NRG1: variants seen among roughly 807,000 people sequenced by gnomAD.
The protein encoded by NRG1 is pro-neuregulin-1, membrane-bound isoform.
A neutral mutation model predicts 63.8 loss-of-function variants in NRG1; 18 were observed. The observed-to-expected ratio is 0.28, with a 90% CI of 0.19 to 0.42. The LOEUF (loss-of-function observed/expected upper bound fraction) is 0.42, where lower values mean the gene tolerates loss of function less well. Ranked by LOEUF, NRG1 falls within the 10% of genes least tolerant of loss-of-function variation. The pLI is 1.00. For missense variants in NRG1, 762 were observed against 814.7 expected, an observed-to-expected ratio of 0.94 and a Z score of 0.79; for synonymous variants, 302 against 301.3, an observed-to-expected ratio of 1.00 and a Z score of -0.02.
rs1588683950 is a variant in NRG1 at position 32,611,773 on chromosome 8, C to CCA, written c.401-2741_401-2740insCA. 2.0e-5 allele frequency among the ~76,000 whole-genome samples: 3 copies of CCA among 151,946 alleles called. No homozygotes were observed. In the East Asian group the frequency reaches 5.8e-4, roughly 29 times the overall value. Reference sequence around the variant, plus strand: ...TGACATATAAGTTTGGTAAAAAAGTCACATAAGTGAATGTTGGAATACACA... The same window carrying CCA: ...TGACATATAAGTTTGGTAAAAAAGTCCAACATAAGTGAATGTTGGAATACACA... On this transcript the variant is annotated intron_variant, in intron 3 of 11. Transcript: ENST00000356819.
chr8:32,189,939 A>G (rs1323519895), intron 1 of NRG1, among the ~76,000 whole-genome samples: 1 of 152,188 alleles, frequency 6.6e-6, no homozygotes, highest in Non-Finnish European at 1.5e-5. Context: ...TGTTAAATGA[A>G]TGATACATTC....
In NRG1 at chr8:32,698,084, T is replaced by G. The variant is rs191037050; in HGVS notation, c.503-29865T>G. 3.9e-3 allele frequency among the ~76,000 whole-genome samples: 600 copies of G among 152,150 alleles called. 5 individuals carry two copies. The highest frequency in any genetic ancestry group is 0.014 in the African/African-American group (563 of 41,502). On this transcript the variant is annotated intron_variant, in intron 5 of 11. Transcript: ENST00000356819. ...AGCTGAGCATGGTGGCACATGCCTG[T>G]AGTCCCAGCTACTCGGGAGGCTGAG...
intron 5 of NRG1, among the ~76,000 whole-genome samples, chr8:32,649,742 A>G (rs550396078): frequency 2.4e-4 from 36 of 152,330 alleles, no homozygotes; most frequent in Non-Finnish European, 4.1e-4. Flanking sequence ...TCTAGGTGCA[A>G]TTAGGGAAAA....
intron 1 of NRG1, among the ~76,000 whole-genome samples, chr8:32,495,799 AG>A (rs1436906805): frequency 2.6e-5 from 4 of 152,046 alleles, no homozygotes; most frequent in Non-Finnish European, 5.9e-5. Context: ...GTTTGTTTGG[AG>A]TATGTCTTTA....
chr8:32,369,204 T>TA (rs1324954892), intron 1 of NRG1, among the ~76,000 whole-genome samples: 1 of 152,238 alleles, frequency 6.6e-6, no homozygotes, highest in African/African-American at 2.4e-5. Flanking sequence ...TTGGGTTTTT[T>TA]ACTTTTCATT....
At chr8:32,163,513 G>A (rs1839072046) in intron 1 of NRG1, among the ~76,000 whole-genome samples, 1 of 152,154 alleles carries the variant, frequency 6.6e-6, no homozygotes, top group Non-Finnish European at 1.5e-5. Flanking sequence ...AGAAGAAAAA[G>A]AACGTGGGGA....
At chr8:32,175,062 C>T (rs1193699379) in intron 1 of NRG1, among the ~76,000 whole-genome samples, 1 of 152,264 alleles carries the variant, frequency 6.6e-6, no homozygotes, top group East Asian at 1.9e-4. Context: ...CCCTGATGAA[C>T]ATCGATGCAA....
intron 1 of NRG1, among the ~76,000 whole-genome samples, chr8:32,193,911 G>T (rs1188033453): frequency 6.6e-6 from 1 of 152,236 alleles, no homozygotes; most frequent in African/African-American, 2.4e-5. Context: ...TAGCAGGAAG[G>T]CCTGGGACAG....
chr8:32,358,292 G>T (rs1806724228), intron 1 of NRG1, among the ~76,000 whole-genome samples: 1 of 145,194 alleles, frequency 6.9e-6, no homozygotes, highest in Non-Finnish European at 1.5e-5. Context: ...GTAAGCATTT[G>T]TGCATTTAAG....
chr8:32,609,539 T>TTTCCTTCCCTCCCTCC (rs1338834219), intron 3 of NRG1, among the ~76,000 whole-genome samples: 7 of 145,280 alleles, frequency 4.8e-5, no homozygotes, highest in African/African-American at 1.8e-4. Context: ...TTCTCAAGAA[T>TTTCCTTCCCTCCCTCC]TTCCTTCCCT....
intron 1 of NRG1, among the ~76,000 whole-genome samples, chr8:31,927,574 A>G (rs1484505999): frequency 2.8e-5 from 4 of 145,188 alleles, no homozygotes; most frequent in South Asian, 2.1e-4. Flanking sequence ...TCAGCCTCCC[A>G]AGTAGCTGGG....
At chr8:31,655,646 G>T (rs2130908155) in intron 1 of NRG1, among the ~76,000 whole-genome samples, 1 of 152,294 alleles carries the variant, frequency 6.6e-6, no homozygotes, top group Non-Finnish European at 1.5e-5. Context: ...TTTAAGAAGA[G>T]GAGTTATATG....
At chr8:32,208,590 T>C (rs939999217) in intron 1 of NRG1, among the ~76,000 whole-genome samples, 7 of 152,092 alleles carry the variant, frequency 4.6e-5, no homozygotes, top group Non-Finnish European at 1.0e-4. Context: ...TATTTGACCA[T>C]ATGAAAATAT....
rs143267544 is a variant in NRG1, at chr8:32,557,181, G to A, written c.100+8355G>A. Among the ~76,000 whole-genome samples, 1,322 of 151,876 alleles carry A rather than the reference G, an allele frequency of 8.7e-3. 18 individuals are homozygous for A. Among genetic ancestry groups the A allele is most frequent in the African/African-American group, 0.03 (1,231 of 41,418 alleles). The stretch of plus-strand genomic sequence containing the variant: ...CCACCACACCCAGCTAATTTTTTTC[G>A]TATTTTTAGTAGAGACGGTGTTTCA... On this transcript the variant is annotated intron_variant, in intron 1 of 11. Transcript: ENST00000356819.
intron 1 of NRG1, among the ~76,000 whole-genome samples, chr8:32,494,220 GTAA>G (rs1826932480): frequency 6.6e-6 from 1 of 152,074 alleles, no homozygotes; most frequent in African/African-American, 2.4e-5. Context: ...GATGATAAAA[GTAA>G]TACATGTTTA....
intron 1 of NRG1, among the ~76,000 whole-genome samples, chr8:32,588,114 G>A (rs1024579869): frequency 3.3e-5 from 5 of 151,892 alleles, no homozygotes; most frequent in South Asian, 2.1e-4. Context: ...TAGAGATGGC[G>A]TTTCACCATG....
intron 1 of NRG1, among the ~76,000 whole-genome samples, chr8:32,574,999 C>T (rs943385458): frequency 2.6e-5 from 4 of 152,122 alleles, no homozygotes; most frequent in African/African-American, 9.7e-5. Flanking sequence ...CAGGGAACTC[C>T]AGATGACTCA....
intron 1 of NRG1, among the ~76,000 whole-genome samples, chr8:31,798,776 G>A (rs1418708461): frequency 6.6e-6 from 1 of 152,094 alleles, no homozygotes; most frequent in Admixed American, 6.5e-5. Flanking sequence ...TAGGAGTCAG[G>A]ATTGAGAATC....
At chr8:31,813,088 T>A (rs1409065180) in intron 1 of NRG1, among the ~76,000 whole-genome samples, 1 of 152,196 alleles carries the variant, frequency 6.6e-6, no homozygotes, top group Non-Finnish European at 1.5e-5. Flanking sequence ...ATACTATATG[T>A]TGTCAGCTAT....
Sources: gnomAD v4.1 joint callset for allele counts (sites outside exome capture counted in the v4.1 genomes callset) on GRCh38, gnomAD v4.1.1 for gene constraint, MANE v1.5 for transcripts, NCBI Gene and HGNC (gene_info 2026-07-23, HGNC 2026-07-21) for gene names.